Variants in P3H2 observed in about 807,000 individuals in gnomAD.
P3H2 encodes leprecan-like 1.
P3H2 carries 80 observed loss-of-function variants against 87.0 expected under a neutral mutation model. The observed-to-expected ratio is 0.92, with a 90% CI of 0.77 to 1.11. P3H2 has a LOEUF of 1.11. P3H2 is among the 50% of genes least tolerant of loss of function. P3H2 has a pLI of 0.00. For synonymous variants in P3H2, 367 were observed against 359.3 expected (o/e 1.02, Z -0.24); for missense variants, 1,001 against 923.9 (o/e 1.08, Z -1.08).
intron 1 of P3H2, among the ~76,000 whole-genome samples, chr3:190,047,546 G>C (rs1725844645): frequency 6.6e-6 from 1 of 152,110 alleles, no homozygotes; most frequent in Non-Finnish European, 1.5e-5. Context: ...CAAATGACAG[G>C]GTTGTATTCT....
At chr3:190,087,433 A>G (rs1196129572) in intron 1 of P3H2, among the ~76,000 whole-genome samples, 1 of 150,860 alleles carries the variant, frequency 6.6e-6, no homozygotes, top group Non-Finnish European at 1.5e-5. Flanking sequence ...AGTCCCAGCT[A>G]CTCCGAAGGC....
At chr3:190,044,767 G>A (rs1725747255) in intron 1 of P3H2, among the ~76,000 whole-genome samples, 1 of 152,166 alleles carries the variant, frequency 6.6e-6, no homozygotes, top group Non-Finnish European at 1.5e-5. Context: ...TATTCCACGA[G>A]TATGAGGTAA....
chr3:190,064,590 T>C (rs1044301395), intron 1 of P3H2, among the ~76,000 whole-genome samples: 7 of 152,164 alleles, frequency 4.6e-5, no homozygotes, highest in African/African-American at 1.7e-4. Context: ...CCTATTTTTA[T>C]TGAGACAATG....
At chr3:190,057,237 A>C (rs932165450) in intron 1 of P3H2, among the ~76,000 whole-genome samples, 1 of 152,178 alleles carries the variant, frequency 6.6e-6, no homozygotes, top group Non-Finnish European at 1.5e-5. Context: ...CCAGAAGCAA[A>C]GGGAACTTGT....
At position 190,019,744 on chromosome 3, in the gene P3H2, G is replaced by A. The variant is rs1252720431; in HGVS notation, c.481-24302C>T. The stretch of plus-strand genomic sequence containing the variant: ...TTGCCTCAAGAAGTTGTGTGAGGAA[G>A]AAAAGGAAAAAATCCATGTGACATT... On this transcript the variant is annotated intron_variant, in intron 1 of 14. Transcript: ENST00000319332. Among the ~76,000 whole-genome samples the A allele has an allele frequency of 1.4e-4, 10 of 70,724 alleles. 1 individual carries two copies. The highest frequency in any genetic ancestry group is 4.0e-4 in the Admixed American group (3 of 7,428). 46.4% of individuals were successfully genotyped at this position (70,724 alleles called of 152,430 possible).
At chr3:190,015,484 G>C (rs1199438518) in intron 1 of P3H2, among the ~76,000 whole-genome samples, 1 of 152,088 alleles carries the variant, frequency 6.6e-6, no homozygotes, top group African/African-American at 2.4e-5. Context: ...CCAACCCACG[G>C]TTTTCCCTTC....
chr3:190,065,301 A>G (rs1726460980), intron 1 of P3H2, among the ~76,000 whole-genome samples: 1 of 152,098 alleles, frequency 6.6e-6, no homozygotes, highest in Non-Finnish European at 1.5e-5. Flanking sequence ...TGGCCCATAA[A>G]AACCTTCCAT....
At chr3:190,074,635 C>T (rs1011526266) in intron 1 of P3H2, among the ~76,000 whole-genome samples, 2 of 152,130 alleles carry the variant, frequency 1.3e-5, no homozygotes, top group East Asian at 1.9e-4. Flanking sequence ...AGATTTATTA[C>T]AGACCCAGTT....
At chr3:190,050,230 A>G (rs1424317669) in intron 1 of P3H2, among the ~76,000 whole-genome samples, 2 of 152,184 alleles carry the variant, frequency 1.3e-5, no homozygotes, top group Non-Finnish European at 2.9e-5. Flanking sequence ...CTATCTCTCT[A>G]TAACTTCCAC....
At chr3:189,980,331 G>A (rs537604061) in intron 8 of P3H2, among the ~76,000 whole-genome samples, 2 of 152,270 alleles carry the variant, frequency 1.3e-5, no homozygotes, top group African/African-American at 2.4e-5. Flanking sequence ...TTGGGAGGCC[G>A]TGGCGGGAGG....
intron 10 of P3H2, 190 bp from the exon 11 acceptor site, chr3:189,973,214 T>C (rs1007464964): frequency 1.4e-5 from 8 of 591,654 alleles, no homozygotes; most frequent in Non-Finnish European, 2.4e-5. Flanking sequence ...CAATAACAGA[T>C]GGAAAGCTAA....
Position 190,055,961 on chromosome 3 carries a change from C to T in P3H2, c.481-60519G>A, listed in dbSNP as rs141254057. Among the ~76,000 whole-genome samples the T allele has an allele frequency of 3.1e-3, 468 of 152,260 alleles. 2 individuals carry two copies. The highest frequency in any genetic ancestry group is 0.011 in the African/African-American group (440 of 41,530). ...TCATATATTGAAGCTCTAACTTCAG[C>T]GTGGCTGTATTTGGAGATAGGGGAT... On this transcript the variant is annotated intron_variant, in intron 1 of 14. Coordinates refer to ENST00000319332, the MANE Select transcript of P3H2 (RefSeq NM_018192.4).
intron 1 of P3H2, among the ~76,000 whole-genome samples, chr3:190,107,185 A>G (rs1371625549): frequency 6.6e-6 from 1 of 152,206 alleles, no homozygotes; most frequent in African/African-American, 2.4e-5. Flanking sequence ...TCCTGCACAT[A>G]CACAAAACAT....
intron 1 of P3H2, among the ~76,000 whole-genome samples, chr3:190,004,068 A>G (rs1389447593): frequency 2.0e-5 from 3 of 152,148 alleles, no homozygotes; most frequent in African/African-American, 4.8e-5. Flanking sequence ...TAGAAATCCA[A>G]TGTTTCTCTA....
At chr3:190,100,240 C>T (rs1269043130) in intron 1 of P3H2, among the ~76,000 whole-genome samples, 3 of 84,732 alleles carry the variant, frequency 3.5e-5, no homozygotes, top group African/African-American at 8.1e-5. Context: ...CGTCCCCCGC[C>T]CCCCCCGCCG....
chr3:189,957,730 A>G lies in P3H2; in HGVS notation c.*182T>C. 1 of 560,888 alleles carries G rather than the reference A, an allele frequency of 1.8e-6. No homozygotes were observed. The allele number at this position is 560,888 out of a possible 1,614,324, so 34.7% of individuals were successfully genotyped here. On this transcript the variant is annotated 3_prime_UTR_variant, in exon 15 of 15. Coordinates refer to ENST00000319332, the MANE Select transcript of P3H2 (RefSeq NM_018192.4). Reference sequence around the variant, plus strand: ...AGAGAGAGAGAGAGAGAGAGAAAACAACCCAAAACAAGAAAGATAGATTGA... The same window carrying G: ...AGAGAGAGAGAGAGAGAGAGAAAACGACCCAAAACAAGAAAGATAGATTGA...
chr3:190,066,158 T>TATAC (rs1256956930), intron 1 of P3H2, among the ~76,000 whole-genome samples: 31 of 134,620 alleles, frequency 2.3e-4, no homozygotes, highest in South Asian at 6.9e-4. Context: ...TATATATATA[T>TATAC]ACACACACAC....
rs1722682517 is a variant in P3H2, at chr3:189,957,734, C to G, written c.*178G>C. Reference sequence around the variant, plus strand: ...AGAGAGAGAGAGAGAGAAAACAACCCAAAACAAGAAAGATAGATTGATAGA... The same window carrying G: ...AGAGAGAGAGAGAGAGAAAACAACCGAAAACAAGAAAGATAGATTGATAGA... On this transcript the variant is annotated 3_prime_UTR_variant, in exon 15 of 15. Transcript: ENST00000319332. 3.5e-6 allele frequency: 2 copies of G among 578,712 alleles called. No individual in the cohort carries two copies. The highest frequency in any genetic ancestry group is 6.1e-6 in the Non-Finnish European group (2 of 326,846). The allele number at this position is 578,712 out of a possible 1,614,324, so 35.8% of individuals were successfully genotyped here.
intron 1 of P3H2, among the ~76,000 whole-genome samples, chr3:190,110,327 T>C (rs1458440994): frequency 1.3e-5 from 2 of 152,176 alleles, no homozygotes; most frequent in African/African-American, 4.8e-5. Context: ...CTGGCCATCC[T>C]AAAATGCACA....
Sources: allele counts gnomAD v4.1 joint callset (sites outside exome capture counted in the v4.1 genomes callset), GRCh38; gene constraint gnomAD v4.1.1; transcripts MANE v1.5; gene names NCBI Gene and HGNC (gene_info 2026-07-23, HGNC 2026-07-21).